The following KCNQ1 variants were observed in gnomAD, a reference collection of about 807,000 sequenced individuals.
The protein encoded by KCNQ1 is potassium voltage-gated channel subfamily KQT member 1.
KCNQ1 carries 49 observed loss-of-function variants against 72.4 expected under a neutral mutation model. That is an observed-to-expected ratio of 0.68 (90% confidence interval 0.54 to 0.86). The LOEUF (loss-of-function observed/expected upper bound fraction) is 0.86. Ranked by LOEUF, KCNQ1 falls within the 40% of genes least tolerant of loss-of-function variation. The probability of loss-of-function intolerance (pLI) is 0.00; values close to 1 mark genes in which losing one functional copy is unlikely to be tolerated. For missense variants in KCNQ1, 790 were observed against 945.1 expected (o/e 0.84, Z 2.15); for synonymous variants, 450 against 412.6 (o/e 1.09, Z -1.10).
intron 11 of KCNQ1, among the ~76,000 whole-genome samples, chr11:2,733,774 C>CCACACACACACA (rs144399150): frequency 0.034 from 1,927 of 57,078 alleles, 63 homozygotes; most frequent in Non-Finnish European, 0.045. Context: ...TTCAGGCCTT[C>CCACACACACACA]CACACACACA....
intron 4 of KCNQ1, 103 bp downstream of exon 4, chr11:2,571,506 G>A: frequency 1.1e-6 from 1 of 904,128 alleles, no homozygotes; most frequent in Admixed American, 1.9e-5. Flanking sequence ...TCAGATGCAA[G>A]GTGCCTTGGT....
rs120074180 is a variant in KCNQ1, at chr11:2,572,882, C to T, written c.817C>T (p.Leu273Phe). The T allele has an allele frequency of 5.6e-6, 9 of 1,613,818 alleles. No individual in the cohort carries two copies. Among genetic ancestry groups the T allele is most frequent in the Non-Finnish European group, 7.6e-6 (9 of 1,180,016 alleles). Residue 273 changes from leucine to phenylalanine, a missense_variant, in exon 6 of 16, where the codon CTC (leucine) becomes TTC (phenylalanine). Around this residue, in one of 5 missense-constraint regions of KCNQ1, gnomAD observed 133 missense variants for 219.5 expected, o/e 0.61. Transcript: ENST00000155840. ...CACCCTGTACATCGGCTTCCTGGGC[C>T]TCATCTTCTCCTCGTACTTTGTGTA... ...ITTLYIGFLGLIFSSYFVYLA... is the reference protein window; with the variant it reads ...ITTLYIGFLGFIFSSYFVYLA...
Position 2,818,669 on chromosome 11 carries a change from G to A in KCNQ1, c.1795-29098G>A, listed in dbSNP as rs2237893. On this transcript the variant is annotated intron_variant, in intron 15 of 15. Transcript: ENST00000155840. The surrounding 1 kb of genome is among the most constrained non-coding windows in gnomAD (Gnocchi z 7.2). ...CCAGCCCAGCTGCTGGTCCCTAACC[G>A]GGCCCACCTGTTGGGTCCTTAGCAC... 0.16 allele frequency among the ~76,000 whole-genome samples: 23,883 copies of A among 152,006 alleles called. 2,046 individuals carry two copies. The highest frequency in any genetic ancestry group is 0.23 in the Middle Eastern group (68 of 294).
chr11:2,666,187 C>A, intron 11 of KCNQ1: 1 of 398,600 alleles, frequency 2.5e-6, no homozygotes, highest in South Asian at 1.3e-4. Context: ...AGATACCGCC[C>A]TCAGTCCCAC....
intron 1 of KCNQ1, among the ~76,000 whole-genome samples, chr11:2,517,462 G>T (rs538519578): frequency 1.3e-5 from 2 of 152,152 alleles, no homozygotes; most frequent in East Asian, 3.9e-4. Context: ...AGGGCCCCAC[G>T]CGTGTTGAGT....
chr11:2,719,512 C>A (rs1215833878), intron 11 of KCNQ1, among the ~76,000 whole-genome samples: 1 of 151,512 alleles, frequency 6.6e-6, no homozygotes, highest in Admixed American at 6.6e-5. Flanking sequence ...AAAAAAAAAA[C>A]CATTATCACC....
rs1846214320 is a variant in KCNQ1, at chr11:2,750,786, CTT to C, written c.1515-18055_1515-18054del. ...TCCCCTGGCTCTTTCACTGAAAACACTTTTCTTGTTTTCTTTCTCCGGCATGC... is the reference window on the plus strand; with the variant it reads ...TCCCCTGGCTCTTTCACTGAAAACACTTCTTGTTTTCTTTCTCCGGCATGC... On this transcript the variant is annotated intron_variant, in intron 11 of 15. Transcript: ENST00000155840. This position sits in a 1 kb window ranked among gnomAD's most constrained non-coding sequence, Gnocchi z 6.3. 1.3e-5 allele frequency among the ~76,000 whole-genome samples: 2 copies of C among 152,192 alleles called. No homozygotes were observed. The highest frequency in any genetic ancestry group is 2.9e-5 in the Non-Finnish European group (2 of 68,030).
At chr11:2,633,567 T>G (rs79596465) in intron 10 of KCNQ1, 1 of 398,462 alleles carries the variant, frequency 2.5e-6, no homozygotes, top group Admixed American at 4.4e-5. Flanking sequence ...ATAGTATAGT[T>G]TCATTCTTCT....
Position 2,710,111 on chromosome 11 carries a change from T to A in KCNQ1, c.1514+48030T>A, listed in dbSNP as rs1850979615. On this transcript the variant is annotated intron_variant, in intron 11 of 15. Coordinates refer to ENST00000155840, the MANE Select transcript of KCNQ1 (RefSeq NM_000218.3). This position sits in a 1 kb window ranked among gnomAD's most constrained non-coding sequence, Gnocchi z 4.1. Reference sequence around the variant, plus strand: ...CCATTTTGCATTCCCACCAGTAGTGTATGTGAGTTCCTATCTCTCCACATT... The same window carrying A: ...CCATTTTGCATTCCCACCAGTAGTGAATGTGAGTTCCTATCTCTCCACATT... Among the ~76,000 whole-genome samples the A allele has an allele frequency of 6.6e-6, 1 of 152,204 alleles. No homozygotes were observed. Among genetic ancestry groups the A allele is most frequent in the Admixed American group, 6.5e-5 (1 of 15,288 alleles).
rs2039952385 is a variant in KCNQ1 at position 2,623,409 on chromosome 11, G to A, written c.1393+34555G>A. On this transcript the variant is annotated intron_variant, in intron 10 of 15. Transcript: ENST00000155840. This position sits in a 1 kb window ranked among gnomAD's most constrained non-coding sequence, Gnocchi z 5.2. ...ATTTTCACTGCCCTAAAAGTACTCTGTGCACTGCCTATTCAACCCTTCTTC... is the reference window on the plus strand; with the variant it reads ...ATTTTCACTGCCCTAAAAGTACTCTATGCACTGCCTATTCAACCCTTCTTC... 2 of 398,430 alleles carry A rather than the reference G, an allele frequency of 5.0e-6. No individual in the cohort carries two copies. Among genetic ancestry groups the A allele is most frequent in the Middle Eastern group, 6.2e-4 (1 of 1,610 alleles). 24.7% of individuals were successfully genotyped at this position (398,430 alleles called of 1,614,324 possible). A position where few individuals can be genotyped will look rare whatever the true frequency, so the allele number is the denominator to read the frequency against.
Position 2,723,025 on chromosome 11 carries a change from G to A in KCNQ1, c.1515-45819G>A, listed in dbSNP as rs544252501. On this transcript the variant is annotated intron_variant, in intron 11 of 15. Transcript: ENST00000155840. The surrounding 1 kb of genome is among the most constrained non-coding windows in gnomAD (Gnocchi z 4.2). The stretch of plus-strand genomic sequence containing the variant: ...CCTCACACCCTTGTGGGCCAGCTGC[G>A]GCCCAAAAGCCTCCTGGCCTCCATT... Among the ~76,000 whole-genome samples, 295 of 152,314 alleles carry A rather than the reference G, an allele frequency of 1.9e-3. No homozygotes were observed. The highest frequency in any genetic ancestry group is 6.6e-3 in the African/African-American group (275 of 41,562).
At chr11:2,625,136 T>C in intron 10 of KCNQ1, 1 of 398,642 alleles carries the variant, frequency 2.5e-6, no homozygotes, top group Non-Finnish European at 4.4e-6. Flanking sequence ...CTGTTTTTAA[T>C]TTTTGAAGGA....
At chr11:2,648,914 A>T in intron 10 of KCNQ1, 1 of 394,270 alleles carries the variant, frequency 2.5e-6, no homozygotes, top group Non-Finnish European at 4.4e-6. Flanking sequence ...TATAATTGTT[A>T]TATCTTCTTG....
rs1019884386 is a variant in KCNQ1 at position 2,769,087 on chromosome 11, G to C, written c.1590+168G>C. On this transcript the variant is annotated intron_variant, in intron 12 of 15. Coordinates refer to ENST00000155840, the MANE Select transcript of KCNQ1 (RefSeq NM_000218.3). The surrounding 1 kb of genome is among the most constrained non-coding windows in gnomAD (Gnocchi z 4.6). ...GAGACCTGACAGTGCCTACCCCACCGAACCCCAGACAGCAGGCCCCTCAGA... is the reference window on the plus strand; with the variant it reads ...GAGACCTGACAGTGCCTACCCCACCCAACCCCAGACAGCAGGCCCCTCAGA... Among the ~76,000 whole-genome samples the C allele has an allele frequency of 6.6e-6, 1 of 151,972 alleles. No individual in the cohort carries two copies. Among genetic ancestry groups the C allele is most frequent in the Non-Finnish European group, 1.5e-5 (1 of 67,994 alleles).
At chr11:2,805,123 G>A (rs544450102) in intron 15 of KCNQ1, among the ~76,000 whole-genome samples, 1 of 152,186 alleles carries the variant, frequency 6.6e-6, no homozygotes, top group Non-Finnish European at 1.5e-5. Context: ...GTGTGTCAGC[G>A]GGTCAGGCTG....
intron 11 of KCNQ1, among the ~76,000 whole-genome samples, chr11:2,742,759 C>G (rs372208481): frequency 2.0e-5 from 3 of 152,356 alleles, no homozygotes; most frequent in African/African-American, 7.2e-5. Flanking sequence ...GACAGCCATG[C>G]GCGGGGGCCC....
intron 10 of KCNQ1, among the ~76,000 whole-genome samples, chr11:2,591,427 C>A (rs556426709): frequency 1.3e-5 from 2 of 152,256 alleles, no homozygotes; most frequent in South Asian, 4.1e-4. Flanking sequence ...GACGTGCTCC[C>A]GCCTGCCCGC....
In KCNQ1 at chr11:2,471,858, GTGTT is replaced by G. The variant is rs1230919639; in HGVS notation, c.386+26376_386+26379del. On this transcript the variant is annotated intron_variant, in intron 1 of 15. Coordinates refer to ENST00000155840, the MANE Select transcript of KCNQ1 (RefSeq NM_000218.3). The surrounding 1 kb of genome is among the most constrained non-coding windows in gnomAD (Gnocchi z 4.8). ...TGCACCTATGTGTGTATAGGTGTGT[GTGTT>G]TATGTATGGGTGTGTGTGCACATGT... Among the ~76,000 whole-genome samples the G allele has an allele frequency of 1.3e-5, 2 of 152,076 alleles. No individual in the cohort carries two copies. The highest frequency in any genetic ancestry group is 2.4e-5 in the African/African-American group (1 of 41,372).
intron 1 of KCNQ1, among the ~76,000 whole-genome samples, chr11:2,453,321 C>T (rs1309777621): frequency 5.9e-5 from 9 of 151,848 alleles, no homozygotes; most frequent in South Asian, 4.2e-4. Flanking sequence ...TGCAGTGAGC[C>T]GAGATCACGC....
Sources: gnomAD v4.1 joint callset for allele counts (sites outside exome capture counted in the v4.1 genomes callset) on GRCh38, gnomAD v4.1.1 for gene constraint, gnomAD v4.1.1 regional missense constraint, Gnocchi (gnomAD v3.1) non-coding constraint, MANE v1.5 for transcripts, NCBI Gene and HGNC (gene_info 2026-07-23, HGNC 2026-07-21) for gene names.